Variants in SNX30 observed in about 807,000 individuals in gnomAD.
SNX30 encodes sorting nexin-30.
In SNX30, 24 loss-of-function variants were observed where a neutral mutation model predicts 46.4. The ratio of observed to expected loss-of-function variants is 0.52; its 90% CI spans 0.37 to 0.73. The LOEUF is 0.73. SNX30 is among the 30% of genes least tolerant of loss of function. SNX30 has a pLI of 0.00. For synonymous variants in SNX30, 189 were observed against 211.5 expected (o/e 0.89, Z 0.92); for missense variants, 533 against 555.7 (o/e 0.96, Z 0.41).
Position 112,864,236 on chromosome 9 carries a change from C to T in SNX30, c.1102-11C>T. ...GTGTGCAGGGCACCCATGTGTGCCT[C>T]CCTTTTCCAGGTACCGGCGGACGTC... is the stretch of plus-strand genomic sequence containing the variant. On this transcript the variant is annotated splice_polypyrimidine_tract_variant and intron_variant, in intron 7 of 8. Transcript: ENST00000374232. 1.2e-6 allele frequency: 2 copies of T among 1,613,462 alleles called. No homozygotes were observed. The highest frequency in any genetic ancestry group is 1.7e-6 in the Non-Finnish European group (2 of 1,179,858).
intron 6 of SNX30, among the ~76,000 whole-genome samples, chr9:112,842,230 C>T (rs963145078): frequency 3.3e-5 from 5 of 152,306 alleles, no homozygotes; most frequent in Non-Finnish European, 7.4e-5. Flanking sequence ...GGCGTGAGCC[C>T]CCACATCAGG....
chr9:112,823,690 G>C (rs1393090838), intron 3 of SNX30, among the ~76,000 whole-genome samples: 1 of 151,946 alleles, frequency 6.6e-6, no homozygotes, highest in Non-Finnish European at 1.5e-5. Flanking sequence ...AAACTCAGAG[G>C]AATTAATGAG....
At chr9:112,836,075 G>A (rs1489474427) in intron 4 of SNX30, 139 bp from the exon 5 acceptor site, 1 of 777,764 alleles carries the variant, frequency 1.3e-6, no homozygotes, top group Non-Finnish European at 2.0e-6. Flanking sequence ...TCCTGTGAAT[G>A]TGATTAGAGC....
At chr9:112,793,859 A>G (rs1232081829) in intron 1 of SNX30, among the ~76,000 whole-genome samples, 1 of 151,546 alleles carries the variant, frequency 6.6e-6, no homozygotes, top group Non-Finnish European at 1.5e-5. Context: ...AGGGTGGAAA[A>G]AGGGAGAACG....
rs1442760442 is a variant in SNX30, at chr9:112,868,785, G to A, written c.1256G>A (p.Cys419Tyr). Residue 419 changes from cysteine to tyrosine, a missense_variant and splice_region_variant, in exon 9 of 9, where the codon TGC becomes TAC. By Grantham distance (194) the Cys-to-Tyr change is radical. This residue lies in a region of SNX30 where 261 missense variants were observed against 270.9 expected (regional missense o/e 0.96). Coordinates refer to ENST00000374232, the MANE Select transcript of SNX30 (RefSeq NM_001012994.2). ...TGTGTGTGTATGTTGTCGTTCCAGT[G>A]CCTCATGGCGTGGGAGTCGATTATT... ...ADKNIQYYEK[C>Y]LMAWESIIPL... The A allele has an allele frequency of 6.2e-7, 1 of 1,614,056 alleles. No homozygotes were observed. The highest frequency in any genetic ancestry group is 8.5e-7 in the Non-Finnish European group (1 of 1,179,916).
At chr9:112,762,759 A>G (rs1839465194) in intron 1 of SNX30, among the ~76,000 whole-genome samples, 1 of 152,206 alleles carries the variant, frequency 6.6e-6, no homozygotes, top group Non-Finnish European at 1.5e-5. Flanking sequence ...TTAGAGGAGC[A>G]AGGCAGCGAG....
At position 112,783,202 on chromosome 9, in the gene SNX30, G is replaced by A. The variant is rs872131; in HGVS notation, c.157-21574G>A. Among the ~76,000 whole-genome samples the A allele has an allele frequency of 2.8e-3, 433 of 152,314 alleles. 4 individuals carry two copies. Among genetic ancestry groups the A allele is most frequent in the African/African-American group, 1.0e-2 (414 of 41,562 alleles). On this transcript the variant is annotated intron_variant, in intron 1 of 8. Transcript: ENST00000374232. ...GTAACTGTTTAATGAAATCTCTGGCGCCATGGAGGCAGACGGTGAAGGGCT... is the reference window on the plus strand; with the variant it reads ...GTAACTGTTTAATGAAATCTCTGGCACCATGGAGGCAGACGGTGAAGGGCT...
At chr9:112,885,316 C>G (rs1841628713), downstream of SNX30, 1 of 152,064 alleles carries the variant, frequency 6.6e-6, no homozygotes, top group South Asian at 2.1e-4. Context: ...TACTCTGCTG[C>G]CTACTATACC....
At chr9:112,805,134 G>A (rs1470184898) in intron 2 of SNX30, among the ~76,000 whole-genome samples, 167 bp downstream of exon 2, 1 of 152,076 alleles carries the variant, frequency 6.6e-6, no homozygotes, top group Non-Finnish European at 1.5e-5. Context: ...AGATGAAAAG[G>A]ATTATATATA....
intron 1 of SNX30, among the ~76,000 whole-genome samples, chr9:112,786,321 G>A (rs1440083493): frequency 6.6e-6 from 1 of 151,642 alleles, no homozygotes; most frequent in Non-Finnish European, 1.5e-5. Context: ...GGGTTTTGTT[G>A]TGTTGCCCAG....
At position 112,835,053 on chromosome 9, in the gene SNX30, A is replaced by G. The variant is rs74936876; in HGVS notation, c.619-1161A>G. 4.7e-4 allele frequency among the ~76,000 whole-genome samples: 72 copies of G among 152,306 alleles called. No individual in the cohort carries two copies. In the East Asian group the frequency reaches 0.013, roughly 29 times the overall value. ...TTGGGCCATGTTAGCCGCACATTCC[A>G]CATTCTCTGCTCTATCCTCTGCATC... On this transcript the variant is annotated intron_variant, in intron 4 of 8. Coordinates refer to ENST00000374232, the MANE Select transcript of SNX30 (RefSeq NM_001012994.2).
intron 1 of SNX30, among the ~76,000 whole-genome samples, chr9:112,784,666 G>T (rs1387527762): frequency 6.6e-6 from 1 of 152,192 alleles, no homozygotes; most frequent in African/African-American, 2.4e-5. Context: ...ATGCAGCCTA[G>T]CCTGGACCAG....
rs2131416855 is a variant in SNX30, at chr9:112,814,543, A to G, written c.349-3162A>G. 2.6e-5 allele frequency among the ~76,000 whole-genome samples: 4 copies of G among 152,264 alleles called. No individual in the cohort carries two copies. In the Middle Eastern group the frequency reaches 0.01, roughly 391 times the overall value. ...GGCATGAGCCACTGCGCCTGGCTGG[A>G]CTTATAATTTTTAAAAAGACCCCTG... On this transcript the variant is annotated intron_variant, in intron 2 of 8. Transcript: ENST00000374232.
chr9:112,762,447 G>T (rs539901109), intron 1 of SNX30, among the ~76,000 whole-genome samples: 253 of 152,260 alleles, frequency 1.7e-3, no homozygotes, highest in Non-Finnish European at 2.8e-3. Flanking sequence ...CCCCCGAGAG[G>T]TTAATGGTCC....
At position 112,817,712 on chromosome 9, in the gene SNX30, G is replaced by T. The variant is rs202019431; in HGVS notation, c.356G>T (p.Arg119Leu). The T allele has an allele frequency of 6.3e-7, 1 of 1,596,270 alleles. No individual in the cohort carries two copies. The highest frequency in any genetic ancestry group is 1.3e-5 in the African/African-American group (1 of 74,518). ...CCATTCTCTTCTTTGCAGAGTACTC[G>T]GGTGGAGTTTGACCTGCCAGAATAT... is the stretch of plus-strand genomic sequence containing the variant. ...ITYRITTKST[R>L]VEFDLPEYSV... Residue 119 changes from arginine to leucine, a missense_variant, in exon 3 of 9, where the codon CGG (arginine) becomes CTG (leucine). Physicochemically the swap from Arg to Leu is moderately radical, Grantham distance 102. Around this residue, in one of 3 missense-constraint regions of SNX30, gnomAD observed 81 missense variants for 124.4 expected, o/e 0.65. Transcript: ENST00000374232.
In SNX30 at chr9:112,750,906, G is replaced by T; in HGVS notation, c.-96G>T. On this transcript the variant is annotated 5_prime_UTR_variant, in exon 1 of 9. Coordinates refer to ENST00000374232, the MANE Select transcript of SNX30 (RefSeq NM_001012994.2). ...GCCGGTGCAAGGCCTCGGGTTAAGC[G>T]GCGGCCGAGCGGGGCTCGGCCCGGG... The T allele has an allele frequency of 1.8e-6, 2 of 1,098,232 alleles. No individual in the cohort carries two copies. The highest frequency in any genetic ancestry group is 2.2e-6 in the Non-Finnish European group (2 of 898,506). The allele number at this position is 1,098,232 out of a possible 1,614,324, so 68.0% of individuals were successfully genotyped here. A position where few individuals can be genotyped will look rare whatever the true frequency, so the allele number is the denominator to read the frequency against.
chr9:112,864,387 G>C lies in SNX30; in HGVS notation c.1242G>C (p.Gln414His), dbSNP rs751414141. 6.2e-7 allele frequency: 1 copy of C among 1,614,206 alleles called. No individual in the cohort carries two copies. Among genetic ancestry groups the C allele is most frequent in the African/African-American group, 1.3e-5 (1 of 75,062 alleles). Residue 414 changes from glutamine (Q) to histidine (H), a missense_variant, in exon 8 of 9, where the codon CAG (glutamine) becomes CAC (histidine). Around this residue, in one of 3 missense-constraint regions of SNX30, gnomAD observed 261 missense variants for 270.9 expected, o/e 0.96. Coordinates refer to ENST00000374232, the MANE Select transcript of SNX30 (RefSeq NM_001012994.2). ...TGGGGATGGCTGACAAGAACATCCA[G>C]TATTATGAGAAGGTAATGAGTGTGC... Reference protein sequence around the residue: ...LLMGMADKNIQYYEKCLMAWE... With the variant: ...LLMGMADKNIHYYEKCLMAWE...
At chr9:112,796,503 T>G (rs1316222941) in intron 1 of SNX30, among the ~76,000 whole-genome samples, 1 of 152,142 alleles carries the variant, frequency 6.6e-6, no homozygotes, top group Non-Finnish European at 1.5e-5. Context: ...GACTCTGCAG[T>G]CACGTCCACA....
chr9:112,870,462 T>C lies in SNX30; in HGVS notation c.*1619T>C, dbSNP rs1841428102. ...CGCAGTTGGACAGCATAGGACGGCT[T>C]GGTTCTGTTTCATTGTGTTTGACAA... On this transcript the variant is annotated 3_prime_UTR_variant, in exon 9 of 9. Transcript: ENST00000374232. The C allele has an allele frequency of 6.6e-6, 1 of 152,220 alleles. No individual in the cohort carries two copies. The highest frequency in any genetic ancestry group is 6.5e-5 in the Admixed American group (1 of 15,282). 9.4% of individuals were successfully genotyped at this position (152,220 alleles called of 1,614,324 possible).
Sources: gnomAD v4.1 joint callset for allele counts (sites outside exome capture counted in the v4.1 genomes callset) on GRCh38, gnomAD v4.1.1 for gene constraint, gnomAD v4.1.1 regional missense constraint, MANE v1.5 for transcripts, NCBI Gene and HGNC (gene_info 2026-07-23, HGNC 2026-07-21) for gene names.